SHOC1: variants seen among roughly 807,000 people sequenced by gnomAD.
SHOC1 encodes shortage in chiasmata 1, also known as protein shortage in chiasmata 1 ortholog.
A neutral mutation model predicts 179.2 loss-of-function variants in SHOC1; 136 were observed. The observed-to-expected ratio is 0.76, with a 90% CI of 0.66 to 0.87. The LOEUF is 0.87. SHOC1 is among the 40% of genes least tolerant of loss of function. SHOC1 has a pLI of 0.00. For missense variants in SHOC1, 1,538 were observed against 1,700.8 expected, an observed-to-expected ratio of 0.90 and a Z score of 1.68; for synonymous variants, 489 against 586.6, an observed-to-expected ratio of 0.83 and a Z score of 2.41.
In SHOC1 at chr9:111,758,126, G is replaced by A; in HGVS notation, c.666C>T (p.Asn222=). ...VKEDFCMDKV[N]FCQEKLEDTI... is the part of the protein sequence containing the mutation. ...TATCTTCTAGTTTCTCTTGACAAAA[G>A]TTCACTTTATCCATACAAAAATCTT... Residue 222 remains asparagine (N), a synonymous_variant, in exon 7 of 28, where the codon AAC becomes AAT. Transcript: ENST00000682961. 1 of 1,584,106 alleles carries A rather than the reference G, an allele frequency of 6.3e-7. No individual in the cohort carries two copies. The highest frequency in any genetic ancestry group is 2.3e-5 in the East Asian group (1 of 44,360).
intron 3 of SHOC1, among the ~76,000 whole-genome samples, chr9:111,785,086 C>G (rs1401799903): frequency 6.6e-6 from 1 of 152,166 alleles, no homozygotes; most frequent in African/African-American, 2.4e-5. Flanking sequence ...GCTTAATTTT[C>G]TGGTCCTTAC....
At chr9:111,779,110 AAAAAAGAGAG>A (rs1295554234) in intron 4 of SHOC1, among the ~76,000 whole-genome samples, 1 of 100,224 alleles carries the variant, frequency 1.0e-5, no homozygotes, top group East Asian at 6.8e-4. Context: ...AAAAAAAAAA[AAAAAAGAGAG>A]AGAGAGAGAG....
At chr9:111,734,145 T>C (rs925708042) in intron 12 of SHOC1, among the ~76,000 whole-genome samples, 2 of 152,194 alleles carry the variant, frequency 1.3e-5, no homozygotes, top group Admixed American at 1.3e-4. Context: ...TAAACATTCA[T>C]TTTTTTACAA....
chr9:111,696,372 A>G lies in SHOC1; in HGVS notation c.3184-2010T>C, dbSNP rs150199259. ...AAATAAAGTAAGGTAAAGCAACAAT[A>G]TGTTCTAAAATAATATGAGTCCAGG... is the stretch of plus-strand genomic sequence containing the variant. On this transcript the variant is annotated intron_variant, in intron 24 of 27. Transcript: ENST00000682961. Among the ~76,000 whole-genome samples, 374 of 152,316 alleles carry G rather than the reference A, an allele frequency of 2.5e-3. 1 individual carries two copies. Among genetic ancestry groups the G allele is most frequent in the African/African-American group, 8.2e-3 (339 of 41,570 alleles).
intron 18 of SHOC1, among the ~76,000 whole-genome samples, chr9:111,712,713 C>T (rs902281299): frequency 1.3e-5 from 2 of 152,134 alleles, no homozygotes; most frequent in African/African-American, 4.8e-5. Flanking sequence ...AGGTTCAAAT[C>T]CTGACTCCCT....
chr9:111,789,846 T>A (rs1836391496), intron 2 of SHOC1, among the ~76,000 whole-genome samples: 1 of 152,240 alleles, frequency 6.6e-6, no homozygotes, highest in Non-Finnish European at 1.5e-5. Flanking sequence ...CTACCATGGA[T>A]ATCTTTTAAC....
chr9:111,698,745 G>T (rs1379456502), intron 24 of SHOC1, among the ~76,000 whole-genome samples: 2 of 152,146 alleles, frequency 1.3e-5, no homozygotes, highest in Non-Finnish European at 2.9e-5. Context: ...GGGAAGGCAG[G>T]CCAGAATGAC....
In SHOC1 at chr9:111,693,882, C is replaced by T. The variant is rs767508806; in HGVS notation, c.3382G>A (p.Gly1128Arg). ...PLVAQLMLNKGPSLHWILLAT... is the reference protein window; with the variant it reads ...PLVAQLMLNKRPSLHWILLAT... The stretch of plus-strand genomic sequence containing the variant: ...AATAATATCCAATGCAGTGAAGGTC[C>T]TTTATTTAGCATGAGCTGAGCCACC... The change falls in exon 26 of 28, where the codon GGA (glycine) becomes AGA (arginine). Residue 1128 changes from glycine (G) to arginine (R), a missense_variant. Coordinates refer to ENST00000682961, the MANE Select transcript of SHOC1 (RefSeq NM_001378211.1). 1.9e-6 allele frequency: 3 copies of T among 1,611,316 alleles called. No homozygotes were observed. The highest frequency in any genetic ancestry group is 1.7e-6 in the Non-Finnish European group (2 of 1,177,734).
chr9:111,722,717 A>C, intron 14 of SHOC1, 132 bp from the exon 15 acceptor site: 3 of 627,978 alleles, frequency 4.8e-6, no homozygotes, highest in Non-Finnish European at 7.5e-6. Context: ...AAATAATGAG[A>C]TTGTATAAAA....
At chr9:111,749,884 A>G (rs1834493713) in intron 8 of SHOC1, among the ~76,000 whole-genome samples, 1 of 152,200 alleles carries the variant, frequency 6.6e-6, no homozygotes, top group Non-Finnish European at 1.5e-5. Context: ...ATAGTATTCC[A>G]TGGTGTATAT....
chr9:111,717,913 A>C (rs1273426424), intron 16 of SHOC1, among the ~76,000 whole-genome samples: 1 of 152,210 alleles, frequency 6.6e-6, no homozygotes, highest in Non-Finnish European at 1.5e-5. Context: ...ATGCATGATA[A>C]TGATTATACA....
intron 10 of SHOC1, among the ~76,000 whole-genome samples, chr9:111,742,666 T>A (rs1330148394): frequency 2.6e-5 from 4 of 152,218 alleles, no homozygotes; most frequent in African/African-American, 9.6e-5. Flanking sequence ...TCTGTTCATA[T>A]GGAACATATA....
intron 5 of SHOC1, among the ~76,000 whole-genome samples, chr9:111,770,445 C>T (rs1835557020): frequency 6.6e-6 from 1 of 152,062 alleles, no homozygotes; most frequent in Admixed American, 6.5e-5. Flanking sequence ...AAGATATGGT[C>T]TATTCTGAAG....
In SHOC1 at chr9:111,692,291, T is replaced by C; in HGVS notation, c.3686A>G (p.Asp1229Gly). The change falls in exon 27 of 28, where the codon GAC becomes GGC. Residue 1229 changes from aspartate to glycine, a missense_variant. Physicochemically the swap from Asp to Gly is moderately conservative, Grantham distance 94. Coordinates refer to ENST00000682961, the MANE Select transcript of SHOC1 (RefSeq NM_001378211.1). Reference sequence around the variant, plus strand: ...TTTTAGTTCCATAATGGAAGAGTTGTCATTCAAAATGGTGGTTTTGTCTTC... The same window carrying C: ...TTTTAGTTCCATAATGGAAGAGTTGCCATTCAAAATGGTGGTTTTGTCTTC... Reference protein sequence around the residue: ...VQEDKTTILNDNSSIMELKEI... With the variant: ...VQEDKTTILNGNSSIMELKEI... The C allele has an allele frequency of 6.2e-7, 1 of 1,613,438 alleles. No individual in the cohort carries two copies.
At chr9:111,789,973 T>C (rs1290317587) in intron 2 of SHOC1, among the ~76,000 whole-genome samples, 1 of 152,206 alleles carries the variant, frequency 6.6e-6, no homozygotes, top group African/African-American at 2.4e-5. Context: ...ATTTTTTTCC[T>C]TGGTAGATGG....
intron 5 of SHOC1, among the ~76,000 whole-genome samples, chr9:111,768,780 A>C (rs557394885): frequency 9.8e-5 from 15 of 152,318 alleles, no homozygotes; most frequent in Non-Finnish European, 2.1e-4. Flanking sequence ...TGCTCTGGCC[A>C]GGACTTCACG....
At position 111,758,158 on chromosome 9, in the gene SHOC1, C is replaced by G. The variant is rs767407862; in HGVS notation, c.634G>C (p.Val212Leu). The change falls in exon 7 of 28, where the codon GTG (valine) becomes CTG (leucine). Residue 212 changes from valine to leucine, a missense_variant. By Grantham distance (32) the Val-to-Leu change is conservative. Transcript: ENST00000682961. ...TTATCCATACAAAAATCTTCTTTCA[C>G]AAAAGCTTCCAAAGTTTCTTGAAGA... ...FSLQETLEAF[V>L]KEDFCMDKVN... 6.3e-6 allele frequency: 10 copies of G among 1,583,608 alleles called. No individual in the cohort carries two copies. Among genetic ancestry groups the G allele is most frequent in the Non-Finnish European group, 8.6e-6 (10 of 1,165,008 alleles).
At chr9:111,710,963 G>A (rs1460040023) in intron 18 of SHOC1, among the ~76,000 whole-genome samples, 1 of 152,104 alleles carries the variant, frequency 6.6e-6, no homozygotes, top group African/African-American at 2.4e-5. Flanking sequence ...GGGTGACATA[G>A]GTTGACAGTG....
intron 5 of SHOC1, among the ~76,000 whole-genome samples, chr9:111,770,168 T>A (rs1835543764): frequency 6.6e-6 from 1 of 152,130 alleles, no homozygotes; most frequent in South Asian, 2.1e-4. Flanking sequence ...TGCTATAAAC[T>A]TCCCTCTTGG....
Sources: allele counts gnomAD v4.1 joint callset (sites outside exome capture counted in the v4.1 genomes callset), GRCh38; gene constraint gnomAD v4.1.1; transcripts MANE v1.5; gene names NCBI Gene and HGNC (gene_info 2026-07-23, HGNC 2026-07-21).